DLEU7: variants seen among roughly 807,000 people sequenced by gnomAD.
DLEU7 encodes leukemia-associated protein 7.
A neutral mutation model predicts 16.0 loss-of-function variants in DLEU7; 17 were observed. The observed-to-expected ratio is 1.06, with a 90% CI of 0.73 to 1.59. DLEU7 has a LOEUF of 1.59. Among genes scored for constraint, DLEU7 ranks in the 40% most tolerant of loss-of-function variants. The pLI is 0.00. For missense variants in DLEU7, 308 were observed against 314.9 expected (o/e 0.98, Z 0.17); for synonymous variants, 113 against 139.8 (o/e 0.81, Z 1.35).
intron 1 of DLEU7, among the ~76,000 whole-genome samples, chr13:50,750,839 G>T (rs545227304): frequency 1.3e-5 from 2 of 152,178 alleles, no homozygotes; most frequent in Non-Finnish European, 2.9e-5. Flanking sequence ...CTTTCTGGAG[G>T]AGTCTTTAGG....
chr13:50,785,803 ACAC>A (rs1875781288), intron 1 of DLEU7, among the ~76,000 whole-genome samples: 4 of 152,208 alleles, frequency 2.6e-5, no homozygotes, highest in Admixed American at 2.6e-4. Context: ...TTTATCACCA[ACAC>A]TTGCCAAATG....
At chr13:50,804,587 G>C (rs1876338690) in intron 1 of DLEU7, among the ~76,000 whole-genome samples, 1 of 151,910 alleles carries the variant, frequency 6.6e-6, no homozygotes, top group African/African-American at 2.4e-5. Flanking sequence ...GCAACCACAG[G>C]CATGCACCAC....
rs933064921 is a variant in DLEU7 at position 50,823,270 on chromosome 13, C to G, written c.*44G>C. ...TTAGGAAGGTAAGGTATCTGGTTCT[C>G]TTAACAGTGCTGGCTGTGGTTTTAC... On this transcript the variant is annotated 3_prime_UTR_variant, in exon 2 of 2. Coordinates refer to ENST00000504404, the MANE Select transcript of DLEU7 (RefSeq NM_001306135.2). 9 of 1,531,252 alleles carry G rather than the reference C, an allele frequency of 5.9e-6. No homozygotes were observed. The highest frequency in any genetic ancestry group is 7.0e-6 in the Non-Finnish European group (8 of 1,143,088). 94.9% of individuals were successfully genotyped at this position (1,531,252 alleles called of 1,614,324 possible).
intron 1 of DLEU7, among the ~76,000 whole-genome samples, chr13:50,816,247 G>A (rs1876731224): frequency 6.6e-6 from 1 of 151,998 alleles, no homozygotes; most frequent in African/African-American, 2.4e-5. Context: ...AATTAAACTT[G>A]CTGCAAGGCA....
At chr13:50,768,770 C>T (rs1875199844) in intron 1 of DLEU7, among the ~76,000 whole-genome samples, 4 of 152,168 alleles carry the variant, frequency 2.6e-5, no homozygotes, top group Admixed American at 6.5e-5. Context: ...TTTATAGCAG[C>T]ATGATTTATA....
intron 1 of DLEU7, among the ~76,000 whole-genome samples, chr13:50,747,950 A>G (rs1874448203): frequency 6.6e-6 from 1 of 152,234 alleles, no homozygotes; most frequent in South Asian, 2.1e-4. Flanking sequence ...ATGCCCTGTC[A>G]GGGGCTCTGA....
chr13:50,801,523 A>G (rs572117790), intron 1 of DLEU7, among the ~76,000 whole-genome samples: 1 of 152,132 alleles, frequency 6.6e-6, no homozygotes, highest in East Asian at 1.9e-4. Context: ...ACTGACCTCC[A>G]CTGGTTGGCA....
intron 1 of DLEU7, among the ~76,000 whole-genome samples, chr13:50,755,292 C>G (rs768242978): frequency 2.6e-5 from 4 of 152,168 alleles, no homozygotes; most frequent in Non-Finnish European, 4.4e-5. Flanking sequence ...GTTTTCCAAA[C>G]TCTTAGATTT....
In DLEU7 at chr13:50,843,475, G is replaced by T; in HGVS notation, c.172C>A (p.Arg58=). ...TCGCGCCCGGGCCCCGGCCGGGCCC[G>T]CGGCGGGCCTGAGCGACGGGCTGGA... is the stretch of plus-strand genomic sequence containing the variant. ...TAPARRSGPP[R]ARPGPGREER... The change falls in exon 1 of 2, where the codon CGG becomes AGG. Residue 58 remains arginine, a synonymous_variant. Transcript: ENST00000504404. The surrounding 1 kb of genome is among the most constrained non-coding windows in gnomAD (Gnocchi z 5.7). 1.5e-6 allele frequency: 2 copies of T among 1,328,360 alleles called. No individual in the cohort carries two copies. The highest frequency in any genetic ancestry group is 1.9e-6 in the Non-Finnish European group (2 of 1,047,010). The allele number at this position is 1,328,360 out of a possible 1,614,324, so 82.3% of individuals were successfully genotyped here.
At chr13:50,771,313 A>G (rs1158144217) in intron 1 of DLEU7, among the ~76,000 whole-genome samples, 1 of 151,756 alleles carries the variant, frequency 6.6e-6, no homozygotes, top group Non-Finnish European at 1.5e-5. Flanking sequence ...CTAGATTTTG[A>G]ATTTGTTTGC....
intron 1 of DLEU7, among the ~76,000 whole-genome samples, chr13:50,834,212 G>A (rs1877374086): frequency 6.6e-6 from 1 of 152,104 alleles, no homozygotes; most frequent in Non-Finnish European, 1.5e-5. Context: ...AAACTAAAGA[G>A]CTTCTGCACA....
intron 1 of DLEU7, among the ~76,000 whole-genome samples, chr13:50,748,113 T>A (rs1273627749): frequency 1.3e-5 from 2 of 152,144 alleles, no homozygotes; most frequent in East Asian, 3.8e-4. Flanking sequence ...AGAAGCAAAG[T>A]TTTTTTGTGT....
At chr13:50,734,302 A>G (rs1217686013) in intron 1 of DLEU7, among the ~76,000 whole-genome samples, 1 of 152,218 alleles carries the variant, frequency 6.6e-6, no homozygotes, top group Non-Finnish European at 1.5e-5. Context: ...CTGATAGAGA[A>G]CTGGTACTAC....
downstream of DLEU7, among the ~76,000 whole-genome samples, chr13:50,821,209 G>T (rs1264581718): frequency 6.6e-6 from 1 of 151,962 alleles, no homozygotes; most frequent in South Asian, 2.1e-4. Context: ...CTTGACCAGG[G>T]ATTGAGTTTT....
intron 1 of DLEU7, among the ~76,000 whole-genome samples, chr13:50,801,999 G>A (rs1032569878): frequency 9.2e-5 from 14 of 151,872 alleles, no homozygotes; most frequent in African/African-American, 3.4e-4. Context: ...AGGAAGGCCC[G>A]CTTGGATCAG....
chr13:50,774,034 G>T (rs1164215045), intron 1 of DLEU7, among the ~76,000 whole-genome samples: 1 of 152,200 alleles, frequency 6.6e-6, no homozygotes, highest in Non-Finnish European at 1.5e-5. Context: ...TGCTGATCTA[G>T]CAGTGAGCAA....
At chr13:50,771,956 G>T (rs1440854102) in intron 1 of DLEU7, among the ~76,000 whole-genome samples, 1 of 152,074 alleles carries the variant, frequency 6.6e-6, no homozygotes, top group Non-Finnish European at 1.5e-5. Context: ...TCCTGTATTG[G>T]GTGCATATAT....
chr13:50,765,670 G>A (rs748551561), intron 1 of DLEU7, among the ~76,000 whole-genome samples: 5 of 152,014 alleles, frequency 3.3e-5, no homozygotes, highest in Non-Finnish European at 7.4e-5. Flanking sequence ...AGAAGACACC[G>A]AGAACACAGA....
At chr13:50,744,893 C>G (rs1252173744) in intron 1 of DLEU7, among the ~76,000 whole-genome samples, 3 of 152,104 alleles carry the variant, frequency 2.0e-5, no homozygotes, top group Non-Finnish European at 2.9e-5. Context: ...ATTAGGATGC[C>G]TATTATCCAT....
Sources: allele counts gnomAD v4.1 joint callset (sites outside exome capture counted in the v4.1 genomes callset), GRCh38; gene constraint gnomAD v4.1.1; non-coding constraint Gnocchi (gnomAD v3.1); transcripts MANE v1.5; gene names NCBI Gene and HGNC (gene_info 2026-07-23, HGNC 2026-07-21).